Variants in CFAP54 observed in about 807,000 individuals in gnomAD.
CFAP54 encodes the protein cilia- and flagella-associated protein 54.
A neutral mutation model predicts 370.4 loss-of-function variants in CFAP54; 290 were observed. The observed-to-expected ratio is 0.78, with a 90% confidence interval of 0.71 to 0.86. The LOEUF is 0.86. CFAP54 is among the 40% of genes least tolerant of loss of function. The pLI is 0.00. For synonymous variants in CFAP54, 1,206 were observed against 1,236.5 expected (o/e 0.98, Z 0.52); for missense variants, 3,399 against 3,528.7 (o/e 0.96, Z 0.93).
intron 36 of CFAP54, among the ~76,000 whole-genome samples, chr12:96,655,256 A>T (rs188577234): frequency 1.3e-5 from 2 of 151,970 alleles, no homozygotes; most frequent in Admixed American, 1.3e-4. Context: ...CAACTCTAGG[A>T]CCTAGATTGT....
At chr12:96,714,684 A>G (rs2136600429) in intron 48 of CFAP54, among the ~76,000 whole-genome samples, 1 of 152,262 alleles carries the variant, frequency 6.6e-6, no homozygotes, top group Middle Eastern at 3.4e-3. Flanking sequence ...TTGTTGAACT[A>G]ACCCTTATTG....
At position 96,691,307 on chromosome 12, in the gene CFAP54, A is replaced by C; in HGVS notation, c.6261A>C (p.Leu2087=). ...AACTGCACTTTGTTAGGCAAAACCT[A>C]ATAGTAAGTAATTTGTAAAATAAAA... The part of the protein sequence containing the change: ...IRELHFVRQN[L]IVLPLLALYQ... The change falls in exon 44 of 68, where the codon CTA becomes CTC. Residue 2087 remains leucine (L), a synonymous_variant. Transcript: ENST00000524981. The C allele has an allele frequency of 6.4e-7, 1 of 1,569,594 alleles. No individual in the cohort carries two copies. Among genetic ancestry groups the C allele is most frequent in the Non-Finnish European group, 8.6e-7 (1 of 1,161,338 alleles).
At chr12:96,647,422 G>A (rs932818371) in intron 33 of CFAP54, among the ~76,000 whole-genome samples, 2 of 125,618 alleles carry the variant, frequency 1.6e-5, no homozygotes, top group South Asian at 2.6e-4. Flanking sequence ...GCAGTGAGCC[G>A]ATATCGCGCC....
intron 13 of CFAP54, among the ~76,000 whole-genome samples, chr12:96,539,215 C>T (rs975689929): frequency 2.0e-5 from 3 of 151,500 alleles, no homozygotes; most frequent in Non-Finnish European, 4.4e-5. Context: ...CATCCACCAC[C>T]ACGGCCGGCT....
At position 96,771,543 on chromosome 12, in the gene CFAP54, T is replaced by A. The variant is rs34266731; in HGVS notation, c.8281+6325T>A. 3.3e-5 allele frequency among the ~76,000 whole-genome samples: 5 copies of A among 152,200 alleles called. No homozygotes were observed. The East Asian group carries it at 9.6e-4, about 29-fold the overall frequency. On this transcript the variant is annotated intron_variant, in intron 60 of 67. Coordinates refer to ENST00000524981, the MANE Select transcript of CFAP54 (RefSeq NM_001306084.2). ...GGTGGGCCCCTGTAGTCCCAGCTAC[T>A]CGGGAGGCTGAGGCAGGAGAATGGC...
intron 21 of CFAP54, 24 bp downstream of exon 21, chr12:96,580,713 A>AG: frequency 2.2e-6 from 3 of 1,382,480 alleles, no homozygotes; most frequent in Non-Finnish European, 2.9e-6. Flanking sequence ...AACATCAGGA[A>AG]ATCTTACTGA....
intron 65 of CFAP54, 135 bp downstream of exon 65, chr12:96,818,048 CT>C: frequency 1.8e-6 from 1 of 568,870 alleles, no homozygotes; most frequent in Non-Finnish European, 2.7e-6. Context: ...CATGACTCAA[CT>C]TTTTGACACA....
rs189133154 is a variant in CFAP54 at position 96,664,089 on chromosome 12, G to A, written c.5563+157G>A. 3.6e-4 allele frequency among the ~76,000 whole-genome samples: 55 copies of A among 152,192 alleles called. No homozygotes were observed. In the East Asian group the frequency reaches 9.1e-3, roughly 25 times the overall value. On this transcript the variant is annotated intron_variant, in intron 39 of 67. Transcript: ENST00000524981. ...ATGCATTTGATTTTCGCCATCTTAC[G>A]TTGCTATAAATGTTACTTAAGGGGG...
intron 17 of CFAP54, among the ~76,000 whole-genome samples, chr12:96,556,613 T>C (rs1481385523): frequency 6.6e-6 from 1 of 152,082 alleles, no homozygotes; most frequent in Non-Finnish European, 1.5e-5. Flanking sequence ...GTATGTTCAT[T>C]GCAGCACTAT....
chr12:96,834,378 G>A (rs191546829), intron 66 of CFAP54, among the ~76,000 whole-genome samples: 25 of 152,364 alleles, frequency 1.6e-4, no homozygotes, highest in Non-Finnish European at 3.4e-4. Context: ...CCAATGGCAG[G>A]CTGCGCTTGG....
At chr12:96,555,460 T>G (rs910576541) in intron 17 of CFAP54, among the ~76,000 whole-genome samples, 5 of 151,392 alleles carry the variant, frequency 3.3e-5, no homozygotes, top group East Asian at 1.9e-4. Flanking sequence ...GATATAAGGA[T>G]TGGAAAAGAA....
intron 29 of CFAP54, 59 bp from the exon 30 acceptor site, chr12:96,626,754 C>T (rs1956553098): frequency 9.7e-7 from 1 of 1,031,472 alleles, no homozygotes; most frequent in South Asian, 3.7e-5. Context: ...ACTGGCAACC[C>T]TTTGGTACTA....
At chr12:96,762,488 C>T (rs6538736) in intron 58 of CFAP54, among the ~76,000 whole-genome samples, 114,450 of 152,146 alleles carry the variant, frequency 0.75, 43,722 homozygotes, top group East Asian at 0.91. Flanking sequence ...ATCTGGAAAA[C>T]GCCCACCATA....
intron 26 of CFAP54, among the ~76,000 whole-genome samples, chr12:96,613,907 G>C (rs1956388027): frequency 1.3e-5 from 2 of 151,992 alleles, no homozygotes; most frequent in African/African-American, 4.8e-5. Context: ...GGACCAGATG[G>C]ATTCACAGCC....
intron 64 of CFAP54, among the ~76,000 whole-genome samples, chr12:96,812,238 G>A (rs892536147): frequency 8.5e-5 from 13 of 152,158 alleles, no homozygotes; most frequent in African/African-American, 3.1e-4. Context: ...GTTTCAGCGT[G>A]GTTAAAAAAT....
rs189801746 is a variant in CFAP54, at chr12:96,829,158, G to A, written c.9171+70G>A. 94 of 860,876 alleles carry A rather than the reference G, an allele frequency of 1.1e-4. No homozygotes were observed. The African/African-American group carries it at 1.4e-3, about 13-fold the overall frequency. The allele number at this position is 860,876 out of a possible 1,614,324, so 53.3% of individuals were successfully genotyped here. A position where few individuals can be genotyped will look rare whatever the true frequency, so the allele number is the denominator to read the frequency against. ...ATTATTGCTATGAAATGGAAATATA[G>A]AAAACATCTAATTGTAAGTATCAAG... On this transcript the variant is annotated intron_variant, in intron 66 of 67. Coordinates refer to ENST00000524981, the MANE Select transcript of CFAP54 (RefSeq NM_001306084.2).
chr12:96,535,042 GTGTGTGTGTGTTTA>G (rs1455829075), intron 11 of CFAP54, among the ~76,000 whole-genome samples: 2 of 146,796 alleles, frequency 1.4e-5, no homozygotes, highest in African/African-American at 2.6e-5. Context: ...GTGTGTGTGT[GTGTGTGTGTGTTTA>G]TTTATTTATT....
intron 38 of CFAP54, among the ~76,000 whole-genome samples, chr12:96,662,538 C>T (rs1183935936): frequency 6.6e-6 from 1 of 152,190 alleles, no homozygotes; most frequent in Non-Finnish European, 1.5e-5. Flanking sequence ...GATACAATCA[C>T]CTTTTAAACC....
At chr12:96,833,395 T>C (rs1211831282) in intron 66 of CFAP54, among the ~76,000 whole-genome samples, 1 of 152,172 alleles carries the variant, frequency 6.6e-6, no homozygotes, top group African/African-American at 2.4e-5. Flanking sequence ...ATAGATACTT[T>C]TGTTGCTGCA....
Sources: allele counts gnomAD v4.1 joint callset (sites outside exome capture counted in the v4.1 genomes callset), GRCh38; gene constraint gnomAD v4.1.1; transcripts MANE v1.5; gene names NCBI Gene and HGNC (gene_info 2026-07-23, HGNC 2026-07-21).